The following POLR3A variants were observed in gnomAD, a reference collection of about 807,000 sequenced individuals.
POLR3A encodes the protein DNA-directed RNA polymerase III subunit RPC1.
POLR3A carries 112 observed loss-of-function variants against 152.8 expected under a neutral mutation model. That is an observed-to-expected ratio of 0.73 (90% CI 0.63 to 0.86). The LOEUF (loss-of-function observed/expected upper bound fraction) is 0.86. POLR3A is among the 40% of genes least tolerant of loss of function. POLR3A has a pLI of 0.00. For synonymous variants in POLR3A, 615 were observed against 652.1 expected (o/e 0.94, Z 0.87); for missense variants, 1,385 against 1,743.1 (o/e 0.79, Z 3.66).
chr10:78,001,477 G>A (rs1296128800), intron 17 of POLR3A, among the ~76,000 whole-genome samples: 1 of 152,048 alleles, frequency 6.6e-6, no homozygotes, highest in Admixed American at 6.5e-5. Flanking sequence ...GAAAAGTGTG[G>A]GCTATGTCCT....
intron 11 of POLR3A, chr10:78,013,360 C>T: frequency 2.3e-6 from 1 of 436,734 alleles, no homozygotes; most frequent in Non-Finnish European, 4.2e-6. Context: ...AACTGGCCCT[C>T]ATGTATACAT....
Position 78,020,563 on chromosome 10 carries a change from C to T in POLR3A, c.1185+983G>A, listed in dbSNP as rs146615867. Among the ~76,000 whole-genome samples the T allele has an allele frequency of 6.0e-3, 914 of 151,404 alleles. 10 individuals are homozygous for T. Among genetic ancestry groups the T allele is most frequent in the African/African-American group, 0.021 (868 of 41,232 alleles). ...CAGCACTTTGGGAGGCCAAGGCGGGCGGATCACGAGGTCAGGAGATCGAGA... is the reference window on the plus strand; with the variant it reads ...CAGCACTTTGGGAGGCCAAGGCGGGTGGATCACGAGGTCAGGAGATCGAGA... On this transcript the variant is annotated intron_variant, in intron 8 of 30. Transcript: ENST00000372371.
chr10:77,990,215 AC>A (rs1211883530), intron 21 of POLR3A, among the ~76,000 whole-genome samples: 1 of 152,172 alleles, frequency 6.6e-6, no homozygotes, highest in Non-Finnish European at 1.5e-5. Flanking sequence ...TAAAAAAAAA[AC>A]AAAAAACAAA....
chr10:78,010,872 T>C (rs1031561828), intron 11 of POLR3A, among the ~76,000 whole-genome samples: 16 of 152,264 alleles, frequency 1.1e-4, no homozygotes, highest in Middle Eastern at 3.4e-3. Context: ...TGAGACAGAG[T>C]CTTGCTTATA....
At chr10:78,009,482 C>T in intron 14 of POLR3A, 55 bp downstream of exon 14, 2 of 1,612,128 alleles carry the variant, frequency 1.2e-6, no homozygotes, top group Non-Finnish European at 1.7e-6. Flanking sequence ...GATGACCAGC[C>T]ACTTGCTTTT....
chr10:78,009,598 G>A lies in POLR3A; in HGVS notation c.1848C>T (p.Asn616=), dbSNP rs1847444616. Residue 616 remains asparagine, a synonymous_variant, in exon 14 of 31, where the codon AAC becomes AAT. Coordinates refer to ENST00000372371, the MANE Select transcript of POLR3A (RefSeq NM_007055.4). ...AGTACTGCTTGCCCTTGGTTCGCAGGTTGGCCCTCACTGGATTGTCATCGC... is the reference window on the plus strand; with the variant it reads ...AGTACTGCTTGCCCTTGGTTCGCAGATTGGCCCTCACTGGATTGTCATCGC... ...RPSDDNPVRA[N]LRTKGKQYCG... is the part of the protein sequence containing the mutation. 6.2e-7 allele frequency: 1 copy of A among 1,614,174 alleles called. No homozygotes were observed. Among genetic ancestry groups the A allele is most frequent in the South Asian group, 1.1e-5 (1 of 91,086 alleles).
chr10:77,975,825 A>C lies in POLR3A; in HGVS notation c.*1653T>G, dbSNP rs1847082955. ...TTACTTCCCAGGCATGCTTCCAGGA[A>C]GGCAGTTGGGGTGGGGGGTACCCCT... is the stretch of plus-strand genomic sequence containing the variant. On this transcript the variant is annotated 3_prime_UTR_variant, in exon 31 of 31. Transcript: ENST00000372371. The C allele has an allele frequency of 1.3e-5, 2 of 151,982 alleles. No individual in the cohort carries two copies. The highest frequency in any genetic ancestry group is 1.3e-4 in the Admixed American group (2 of 15,234). 9.4% of individuals were successfully genotyped at this position (151,982 alleles called of 1,614,324 possible). A position where few individuals can be genotyped will look rare whatever the true frequency, so the allele number is the denominator to read the frequency against.
intron 26 of POLR3A, among the ~76,000 whole-genome samples, chr10:77,983,652 T>C (rs896734916): frequency 6.6e-6 from 1 of 152,208 alleles, no homozygotes; most frequent in Non-Finnish European, 1.5e-5. Flanking sequence ...ACAAGACCAC[T>C]TATCATAATA....
intron 19 of POLR3A, among the ~76,000 whole-genome samples, chr10:77,994,915 G>A (rs1344505184): frequency 1.3e-5 from 2 of 152,168 alleles, no homozygotes; most frequent in South Asian, 4.1e-4. Flanking sequence ...CAGAGAGAAA[G>A]GTCGGGTTAC....
At chr10:77,985,432 C>T in intron 23 of POLR3A, 92 bp from the exon 24 acceptor site, 1 of 981,462 alleles carries the variant, frequency 1.0e-6, no homozygotes, top group Non-Finnish European at 1.6e-6. Context: ...CACCTTTCAA[C>T]AGAGAATATA....
At chr10:78,004,948 A>C in intron 15 of POLR3A, 60 bp from the exon 16 acceptor site, 1 of 1,277,036 alleles carries the variant, frequency 7.8e-7, no homozygotes, top group Non-Finnish European at 1.1e-6. Flanking sequence ...AACCTACTAA[A>C]TACAGTTTAT....
rs112753625 is a variant in POLR3A, at chr10:77,999,540, C to G, written c.2616+441G>C. 4.1e-3 allele frequency among the ~76,000 whole-genome samples: 619 copies of G among 152,254 alleles called. 5 individuals are homozygous for G. Among genetic ancestry groups the G allele is most frequent in the African/African-American group, 0.012 (499 of 41,568 alleles). On this transcript the variant is annotated intron_variant, in intron 19 of 30. Transcript: ENST00000372371. The stretch of plus-strand genomic sequence containing the variant: ...CACTCTCTGAGGAAATGCTTTCCTT[C>G]TAAGCATCCAAGCCCCGCAGCAAGC...
intron 29 of POLR3A, 110 bp downstream of exon 29, chr10:77,981,318 A>G (rs1236165703): frequency 9.6e-7 from 1 of 1,045,994 alleles, no homozygotes; most frequent in African/African-American, 1.6e-5. Flanking sequence ...TCTCTCTATG[A>G]TGGTCCTCAC....
intron 14 of POLR3A, 56 bp downstream of exon 14, chr10:78,009,481 C>T: frequency 6.2e-7 from 1 of 1,611,804 alleles, no homozygotes. Context: ...TGATGACCAG[C>T]CACTTGCTTT....
chr10:77,980,341 G>A, intron 29 of POLR3A, 68 bp from the exon 30 acceptor site: 5 of 1,488,492 alleles, frequency 3.4e-6, no homozygotes, highest in Non-Finnish European at 4.7e-6. Flanking sequence ...CCAAAGCACG[G>A]TGCACCTTCA....
At position 78,026,206 on chromosome 10, in the gene POLR3A, T is replaced by C. The variant is rs1199135453; in HGVS notation, c.68A>G (p.Lys23Arg). 4 of 1,614,240 alleles carry C rather than the reference T, an allele frequency of 2.5e-6. No individual in the cohort carries two copies. The highest frequency in any genetic ancestry group is 3.4e-6 in the Non-Finnish European group (4 of 1,180,036). The change falls in exon 2 of 31, where the codon AAG (lysine) becomes AGG (arginine). Residue 23 changes from lysine (K) to arginine (R), a missense_variant. Around this residue, in one of 7 missense-constraint regions of POLR3A, gnomAD observed 493 missense variants for 647.5 expected, o/e 0.76. Coordinates refer to ENST00000372371, the MANE Select transcript of POLR3A (RefSeq NM_007055.4). ...CTGCTGGCGCATCTCCTCAGGTGAC[T>C]TCATTCCAAAACAGATGTGGCTTCT... is the stretch of plus-strand genomic sequence containing the variant. ...KKISHICFGMKSPEEMRQQAH... is the reference protein window; with the variant it reads ...KKISHICFGMRSPEEMRQQAH...
At position 78,029,422 on chromosome 10, in the gene POLR3A, G is replaced by A. The variant is rs759366601; in HGVS notation, c.-15C>T. On this transcript the variant is annotated 5_prime_UTR_variant, in exon 1 of 31. Coordinates refer to ENST00000372371, the MANE Select transcript of POLR3A (RefSeq NM_007055.4). ...TCCTTCACCATGATGACCGCTGCCG[G>A]GACGCCTCCTTGGCACTCGGGAGGC... 2 of 1,613,938 alleles carry A rather than the reference G, an allele frequency of 1.2e-6. No individual in the cohort carries two copies. The highest frequency in any genetic ancestry group is 1.7e-5 in the Admixed American group (1 of 60,018).
Position 78,006,392 on chromosome 10 carries a change from T to C in POLR3A, c.2074+1310A>G, listed in dbSNP as rs560289339. On this transcript the variant is annotated intron_variant, in intron 15 of 30. Transcript: ENST00000372371. ...AGCCTGGCGACTGAGCAAGACTCTG[T>C]CTCAAAAAAAAAAAAAAAAAAAAAA... Among the ~76,000 whole-genome samples, 9 of 92,910 alleles carry C rather than the reference T, an allele frequency of 9.7e-5. No individual in the cohort carries two copies. The South Asian group carries it at 3.3e-3, about 34-fold the overall frequency. The allele number at this position is 92,910 out of a possible 152,430, so 61.0% of individuals were successfully genotyped here. A position where few individuals can be genotyped will look rare whatever the true frequency, so the allele number is the denominator to read the frequency against.
At chr10:77,997,112 C>A (rs1350134135) in intron 19 of POLR3A, among the ~76,000 whole-genome samples, 1 of 152,128 alleles carries the variant, frequency 6.6e-6, no homozygotes, top group African/African-American at 2.4e-5. Flanking sequence ...AATTCAACAA[C>A]CCTTCATGCT....
Sources: allele counts gnomAD v4.1 joint callset (sites outside exome capture counted in the v4.1 genomes callset), GRCh38; gene constraint gnomAD v4.1.1; regional missense constraint gnomAD v4.1.1; transcripts MANE v1.5; gene names NCBI Gene and HGNC (gene_info 2026-07-23, HGNC 2026-07-21).